The following CTAG2 variants were observed in gnomAD, a reference collection of about 807,000 sequenced individuals.
CTAG2 encodes CTL-recognized antigen on melanoma.
Under a neutral mutation model 5.7 loss-of-function variants are expected in CTAG2, and 5 were observed. The ratio of observed to expected loss-of-function variants is 0.88; its 90% confidence interval spans 0.46 to 1.85. The LOEUF (loss-of-function observed/expected upper bound fraction) is 1.85, where lower values mean the gene tolerates loss of function less well. CTAG2 is among the 40% of genes most tolerant of loss of function. CTAG2 has a pLI of 0.01. For synonymous variants in CTAG2, 63 were observed against 80.9 expected, an observed-to-expected ratio of 0.78 and a Z score of 1.19; for missense variants, 151 against 169.9, an observed-to-expected ratio of 0.89 and a Z score of 0.62.
At chrX:154,652,741 C>T (rs2148396319) in intron 1 of CTAG2, 110 bp from the exon 2 acceptor site, 1 of 918,608 alleles carries the variant, frequency 1.1e-6, no homozygotes, top group African/African-American at 2.0e-5. Flanking sequence ...CAACCCCACC[C>T]AGCTGTCTTG....
rs115088877 is a variant in CTAG2 at position 154,653,101 on chromosome X, C to T, written c.269+146G>A. On this transcript the variant is annotated intron_variant, in intron 1 of 2. Transcript: ENST00000369585. Reference sequence around the variant, plus strand: ...ACCCCCACCCCACCCGGCGCCTTACCCCCATCTCCCAAACCCCACCTTCCG... The same window carrying T: ...ACCCCCACCCCACCCGGCGCCTTACTCCCATCTCCCAAACCCCACCTTCCG... The T allele has an allele frequency of 7.3e-3, 1,760 of 240,180 alleles. 42 individuals are homozygous for T. The highest frequency in any genetic ancestry group is 0.055 in the African/African-American group (1,553 of 28,041). 19.8% of individuals were successfully genotyped at this position (240,180 alleles called of 1,213,427 possible). A position where few individuals can be genotyped will look rare whatever the true frequency, so the allele number is the denominator to read the frequency against.
At chrX:154,652,415 C>T in intron 2 of CTAG2, 82 bp downstream of exon 2, 4 of 1,211,404 alleles carry the variant, frequency 3.3e-6, no homozygotes, top group Non-Finnish European at 4.5e-6. Context: ...TAGCTTTCTG[C>T]CCCTCCGGGG....
chrX:154,652,707 C>T, intron 1 of CTAG2, 76 bp from the exon 2 acceptor site: 1 of 1,084,907 alleles, frequency 9.2e-7, no homozygotes, highest in Non-Finnish European at 1.2e-6. Flanking sequence ...GCTGTCTCCC[C>T]ACGCACTGGC....
Position 154,652,525 on chromosome X carries a change from A to C in CTAG2, c.376T>G (p.Phe126Val), listed in dbSNP as rs782009964. The C allele has an allele frequency of 8.3e-7, 1 of 1,211,143 alleles. No homozygotes were observed. Among genetic ancestry groups the C allele is most frequent in the South Asian group, 1.8e-5 (1 of 56,952 alleles). The part of the protein sequence containing the change: ...LPRPGAVLKD[F>V]TVSGNLLFIR... ...AACAGTAGGTTGCCGGACACGGTGAAGTCCTTCAGAACCGCCCCTGGTCGG... is the reference window on the plus strand; with the variant it reads ...AACAGTAGGTTGCCGGACACGGTGACGTCCTTCAGAACCGCCCCTGGTCGG... The change falls in exon 2 of 3, where the codon TTC becomes GTC. Residue 126 changes from phenylalanine (F) to valine (V), a missense_variant. Physicochemically the swap from Phe to Val is conservative, Grantham distance 50 (BLOSUM62 -1). Around this residue, in one of 2 missense-constraint regions of CTAG2, gnomAD observed 147 missense variants for 151.0 expected, o/e 0.97. Transcript: ENST00000369585.
chrX:154,652,378 C>T, intron 2 of CTAG2, 111 bp from the exon 3 acceptor site: 1 of 1,211,651 alleles, frequency 8.3e-7, no homozygotes, highest in Non-Finnish European at 1.1e-6. Flanking sequence ...TGTTCTGAGA[C>T]CTTGTGTTTG....
intron 1 of CTAG2, among the ~76,000 whole-genome samples, chrX:154,652,924 C>G (rs1362778365): frequency 1.9e-5 from 2 of 106,656 alleles, no homozygotes; most frequent in Non-Finnish European, 3.9e-5. Context: ...CCCCCCAACT[C>G]CTGATCCCTT....
intron 1 of CTAG2, 84 bp downstream of exon 1, chrX:154,653,163 C>A: frequency 8.8e-7 from 1 of 1,130,039 alleles, no homozygotes. Context: ...CTGGCCCTGC[C>A]CCCCACCTCT....
In CTAG2 at chrX:154,652,705, C is replaced by T. The variant is rs1557241579; in HGVS notation, c.270-74G>A. ...CCATCTCATCCCCTCAGGCTGTCTC[C>T]CCACGCACTGGCCCAGGTCCTGCAG... On this transcript the variant is annotated intron_variant, in intron 1 of 2. Coordinates refer to ENST00000369585, the MANE Select transcript of CTAG2 (RefSeq NM_172377.5). The T allele has an allele frequency of 5.5e-6, 6 of 1,091,282 alleles. No individual in the cohort carries two copies. The African/African-American group carries it at 9.3e-5, about 17-fold the overall frequency. 89.9% of individuals were successfully genotyped at this position (1,091,282 alleles called of 1,213,427 possible). A position where few individuals can be genotyped will look rare whatever the true frequency, so the allele number is the denominator to read the frequency against.
At position 154,652,689 on chromosome X, in the gene CTAG2, C is replaced by T. The variant is rs1324515175; in HGVS notation, c.270-58G>A. 3 of 1,140,457 alleles carry T rather than the reference C, an allele frequency of 2.6e-6. No individual in the cohort carries two copies. In the African/African-American group the frequency reaches 5.5e-5, roughly 21 times the overall value. 94.0% of individuals were successfully genotyped at this position (1,140,457 alleles called of 1,213,427 possible). A position where few individuals can be genotyped will look rare whatever the true frequency, so the allele number is the denominator to read the frequency against. On this transcript the variant is annotated intron_variant, in intron 1 of 2. Transcript: ENST00000369585. ...AGGATTTGGCCGGTGCCCATCTCAT[C>T]CCCTCAGGCTGTCTCCCCACGCACT...
Position 154,653,261 on chromosome X carries a change from G to T in CTAG2, c.255C>A (p.Ser85Arg). The change falls in exon 1 of 3, where the codon AGC (serine) becomes AGA (arginine). Residue 85 changes from serine (S) to arginine (R), a missense_variant. Coordinates refer to ENST00000369585, the MANE Select transcript of CTAG2 (RefSeq NM_172377.5). ...GAACAGGATACAACTCAAGCAGGCG[G>T]CTGTCCGGCCTCCTGGCCCCGCAGG... ...RCPCGARRPD[S>R]RLLELHITMP... 1 of 1,208,883 alleles carries T rather than the reference G, an allele frequency of 8.3e-7. No individual in the cohort carries two copies. Among genetic ancestry groups the T allele is most frequent in the Non-Finnish European group, 1.1e-6 (1 of 894,303 alleles).
At position 154,653,297 on chromosome X, in the gene CTAG2, A is replaced by G; in HGVS notation, c.219T>C (p.Asp73=). 8.3e-7 allele frequency: 1 copy of G among 1,207,615 alleles called. No homozygotes were observed. The highest frequency in any genetic ancestry group is 1.1e-6 in the Non-Finnish European group (1 of 893,863). The change falls in exon 1 of 3, where the codon GAT becomes GAC. Residue 73 remains aspartate (D), a synonymous_variant. Coordinates refer to ENST00000369585, the MANE Select transcript of CTAG2 (RefSeq NM_172377.5). ...GPHGGAASAQ[D]GRCPCGARRP... is the part of the protein sequence containing the mutation. ...TCCTGGCCCCGCAGGGGCACCTTCC[A>G]TCCTGCGCAGAAGCGGCACCGCCAT...
At position 154,652,046 on chromosome X, in the gene CTAG2, G is replaced by A. The variant is rs2070154025; in HGVS notation, c.*83C>T. The stretch of plus-strand genomic sequence containing the variant: ...TCCTCCTCCAGCGACAAACAATCAG[G>A]CCCCCACAATGAACTGGCCACTCGT... On this transcript the variant is annotated 3_prime_UTR_variant, in exon 3 of 3. Transcript: ENST00000369585. The A allele has an allele frequency of 8.9e-7, 1 of 1,129,043 alleles. No individual in the cohort carries two copies. The highest frequency in any genetic ancestry group is 2.0e-5 in the South Asian group (1 of 48,909). 93.0% of individuals were successfully genotyped at this position (1,129,043 alleles called of 1,213,427 possible). A position where few individuals can be genotyped will look rare whatever the true frequency, so the allele number is the denominator to read the frequency against.
In CTAG2 at chrX:154,653,557, G is replaced by A; in HGVS notation, c.-42C>T. ...CCCGGCTCTCAGAGAGAAGGTCAGG[G>A]CCCACGAGGATGCGGAGGCAGAGAG... On this transcript the variant is annotated 5_prime_UTR_variant, in exon 1 of 3. Coordinates refer to ENST00000369585, the MANE Select transcript of CTAG2 (RefSeq NM_172377.5). The A allele has an allele frequency of 1.1e-6, 1 of 935,907 alleles. No homozygotes were observed. Among genetic ancestry groups the A allele is most frequent in the Non-Finnish European group, 1.4e-6 (1 of 714,091 alleles). 77.1% of individuals were successfully genotyped at this position (935,907 alleles called of 1,213,427 possible).
rs782139896 is a variant in CTAG2, at chrX:154,652,103, A to C, written c.*26T>G. On this transcript the variant is annotated 3_prime_UTR_variant, in exon 3 of 3. Transcript: ENST00000369585. Reference sequence around the variant, plus strand: ...ACCATTCCCTAGGGGAGGAGGCATGACCTAGGAAGGGGCGCCAGGCTGGGC... The same window carrying C: ...ACCATTCCCTAGGGGAGGAGGCATGCCCTAGGAAGGGGCGCCAGGCTGGGC... The C allele has an allele frequency of 8.3e-7, 1 of 1,207,959 alleles. No homozygotes were observed. Among genetic ancestry groups the C allele is most frequent in the African/African-American group, 1.7e-5 (1 of 57,703 alleles).
Position 154,652,390 on chromosome X carries a change from G to T in CTAG2, c.404+107C>A, listed in dbSNP as rs372538197. 12 of 1,209,799 alleles carry T rather than the reference G, an allele frequency of 9.9e-6. No homozygotes were observed. The highest frequency in any genetic ancestry group is 1.3e-5 in the Non-Finnish European group (12 of 894,906). On this transcript the variant is annotated intron_variant, in intron 2 of 2. Transcript: ENST00000369585. The stretch of plus-strand genomic sequence containing the variant: ...CTCTGTTCTGAGACCTTGTGTTTGG[G>T]TGTTCTGAGATCTCTAGCTTTCTGC...
rs1378470819 is a variant in CTAG2 at position 154,652,191 on chromosome X, A to C, written c.481T>G (p.Trp161Gly). ...ACGGGCAGAAAGCACTGCGTGATCC[A>C]CATCAACAGGGAAAGCTGCTGGAGA... Reference protein sequence around the residue: ...SCLQQLSLLMWITQCFLPVFL... With the variant: ...SCLQQLSLLMGITQCFLPVFL... The change falls in exon 3 of 3, where the codon TGG becomes GGG. Residue 161 changes from tryptophan to glycine, a missense_variant. Physicochemically the swap from Trp to Gly is radical, Grantham distance 184 (BLOSUM62 -2). Coordinates refer to ENST00000369585, the MANE Select transcript of CTAG2 (RefSeq NM_172377.5). 4.1e-6 allele frequency: 5 copies of C among 1,207,696 alleles called. No individual in the cohort carries two copies. The highest frequency in any genetic ancestry group is 1.8e-5 in the African/African-American group (1 of 57,092).
rs782160090 is a variant in CTAG2 at position 154,652,476 on chromosome X, C to G, written c.404+21G>C. The stretch of plus-strand genomic sequence containing the variant: ...CACCCTCATCCGCCCAGCGCCTTCC[C>G]TGTCCTGGTCCCGAACTGACATAAA... On this transcript the variant is annotated intron_variant, in intron 2 of 2. Coordinates refer to ENST00000369585, the MANE Select transcript of CTAG2 (RefSeq NM_172377.5). The G allele has an allele frequency of 4.1e-5, 49 of 1,209,338 alleles. No individual in the cohort carries two copies. The highest frequency in any genetic ancestry group is 5.3e-5 in the Non-Finnish European group (47 of 894,800).
rs372291854 is a variant in CTAG2 at position 154,652,638 on chromosome X, G to C, written c.270-7C>G. 8.4e-7 allele frequency: 1 copy of C among 1,187,560 alleles called. No individual in the cohort carries two copies. The highest frequency in any genetic ancestry group is 1.1e-6 in the Non-Finnish European group (1 of 881,843). On this transcript the variant is annotated splice_polypyrimidine_tract_variant and splice_region_variant and intron_variant, in intron 1 of 2. Transcript: ENST00000369585. ...GAAAGGCATCGTGATGTGCCTGGTGGGGACCCAGTTAAGGTGCCATCTCCT... is the reference window on the plus strand; with the variant it reads ...GAAAGGCATCGTGATGTGCCTGGTGCGGACCCAGTTAAGGTGCCATCTCCT...
intron 2 of CTAG2, 75 bp downstream of exon 2, chrX:154,652,422 G>A (rs782359239): frequency 3.0e-5 from 36 of 1,209,261 alleles, no homozygotes; most frequent in Non-Finnish European, 3.9e-5. Context: ...CTGCCCCTCC[G>A]GGGAGGCGGA....
Sources: gnomAD v4.1 joint callset for allele counts (sites outside exome capture counted in the v4.1 genomes callset) on GRCh38, gnomAD v4.1.1 for gene constraint, gnomAD v4.1.1 regional missense constraint, MANE v1.5 for transcripts, NCBI Gene and HGNC (gene_info 2026-07-23, HGNC 2026-07-21) for gene names.